FSHR: variants seen among roughly 807,000 people sequenced by gnomAD.
The protein encoded by FSHR is follicle-stimulating hormone receptor.
Under a neutral mutation model 52.1 loss-of-function variants are expected in FSHR, and 46 were observed. The observed-to-expected ratio is 0.88, with a 90% CI of 0.70 to 1.13. FSHR has a LOEUF of 1.13. Among genes scored for constraint, FSHR ranks in the 50% most tolerant of loss-of-function variants. The pLI is 0.00. For missense variants in FSHR, 964 were observed against 834.6 expected, an observed-to-expected ratio of 1.16 and a Z score of -1.91; for synonymous variants, 399 against 309.6, an observed-to-expected ratio of 1.29 and a Z score of -3.03.
intron 1 of FSHR, among the ~76,000 whole-genome samples, chr2:49,075,433 T>C (rs2103638936): frequency 6.8e-6 from 1 of 147,894 alleles, no homozygotes; most frequent in South Asian, 2.2e-4. Context: ...TCATTAAAAA[T>C]AACAATAAAC....
At chr2:49,014,882 T>C (rs766457123) in intron 4 of FSHR, 1 of 469,540 alleles carries the variant, frequency 2.1e-6, no homozygotes, top group South Asian at 1.6e-5. Context: ...ATTTGTTCTG[T>C]CACTGAAGGC....
intron 1 of FSHR, among the ~76,000 whole-genome samples, chr2:49,124,007 C>T (rs1402627922): frequency 1.3e-5 from 2 of 150,180 alleles, no homozygotes; most frequent in East Asian, 1.9e-4. Context: ...TTTTTTGAGA[C>T]GGAATTTCGC....
intron 1 of FSHR, among the ~76,000 whole-genome samples, chr2:49,110,995 T>G (rs1003112536): frequency 1.3e-5 from 2 of 152,192 alleles, no homozygotes; most frequent in East Asian, 3.9e-4. Flanking sequence ...ACCTTATTAA[T>G]GGAATCAGTT....
At chr2:49,148,158 G>GTA (rs1022126087) in intron 1 of FSHR, among the ~76,000 whole-genome samples, 10 of 151,942 alleles carry the variant, frequency 6.6e-5, no homozygotes, top group African/African-American at 2.4e-4. Context: ...TTTTTGTTAG[G>GTA]TATAGAGAGG....
At chr2:48,969,140 C>T (rs1415094763) in intron 8 of FSHR, among the ~76,000 whole-genome samples, 1 of 152,148 alleles carries the variant, frequency 6.6e-6, no homozygotes, top group African/African-American at 2.4e-5. Context: ...ATACTTACAT[C>T]CTGGCTAATT....
At chr2:49,003,687 T>C (rs1268944962) in intron 4 of FSHR, among the ~76,000 whole-genome samples, 1 of 152,096 alleles carries the variant, frequency 6.6e-6, no homozygotes, top group Non-Finnish European at 1.5e-5. Flanking sequence ...GGTGCAAGCA[T>C]CTGGATCACA....
chr2:49,117,692 C>A (rs1328603596), intron 1 of FSHR, among the ~76,000 whole-genome samples: 3 of 152,126 alleles, frequency 2.0e-5, no homozygotes, highest in Non-Finnish European at 2.9e-5. Context: ...ATAGCAGGAC[C>A]AAGGAGAAAT....
intron 1 of FSHR, among the ~76,000 whole-genome samples, chr2:49,083,415 A>C (rs1670252655): frequency 6.6e-6 from 1 of 151,850 alleles, no homozygotes; most frequent in South Asian, 2.1e-4. Flanking sequence ...GACCATCGAG[A>C]CTAGGAAGAA....
intron 1 of FSHR, among the ~76,000 whole-genome samples, chr2:49,086,509 C>T (rs1183490004): frequency 6.6e-6 from 1 of 152,198 alleles, no homozygotes; most frequent in East Asian, 1.9e-4. Flanking sequence ...TCCGAGTGGG[C>T]TTCAGAACTC....
rs1669577822 is a variant in FSHR at position 49,068,107 on chromosome 2, G to C, written c.224+112C>G. On this transcript the variant is annotated intron_variant, in intron 2 of 9. Transcript: ENST00000406846. ...AATGTGAGGAGATGCAGAAAGTTTG[G>C]CTGACCATGTCAGTTCGGCTACTAA... 5 of 814,958 alleles carry C rather than the reference G, an allele frequency of 6.1e-6. No individual in the cohort carries two copies. In the South Asian group the frequency reaches 6.8e-5, roughly 11 times the overall value. 50.5% of individuals were successfully genotyped at this position (814,958 alleles called of 1,614,324 possible). A position where few individuals can be genotyped will look rare whatever the true frequency, so the allele number is the denominator to read the frequency against.
chr2:48,963,717 C>A lies in FSHR; in HGVS notation c.1104G>T (p.Leu368=). The A allele has an allele frequency of 2.5e-6, 4 of 1,614,176 alleles. No individual in the cohort carries two copies. The highest frequency in any genetic ancestry group is 3.4e-6 in the Non-Finnish European group (4 of 1,180,016). The change falls in exon 10 of 10, where the codon CTG becomes CTT. Residue 368 remains leucine, a synonymous_variant. Transcript: ENST00000406846. ...TGGCCAGGATGCTGATAAACCATAT[C>A]AGGACTCTGAGGATGTTGTACCCCA... is the stretch of plus-strand genomic sequence containing the variant. ...DIMGYNILRV[L]IWFISILAIT...
chr2:48,997,813 C>T (rs1676090276), intron 4 of FSHR, among the ~76,000 whole-genome samples: 1 of 152,064 alleles, frequency 6.6e-6, no homozygotes, highest in South Asian at 2.1e-4. Flanking sequence ...TGTTTCCTTG[C>T]CTGAGTCCCT....
At chr2:48,990,109 T>C (rs1417988141) in intron 5 of FSHR, among the ~76,000 whole-genome samples, 1 of 152,168 alleles carries the variant, frequency 6.6e-6, no homozygotes, top group Non-Finnish European at 1.5e-5. Flanking sequence ...CTCTTCCTTT[T>C]TCAAAATACA....
chr2:49,063,833 T>G (rs1669405084), intron 2 of FSHR, among the ~76,000 whole-genome samples: 1 of 152,150 alleles, frequency 6.6e-6, no homozygotes, highest in Admixed American at 6.6e-5. Flanking sequence ...TTTGAATGTT[T>G]CCAAAACAAA....
At chr2:49,087,070 G>GTTTTTTTTGTTTTTTTTTTTTTTTTTTT (rs1670423426) in intron 1 of FSHR, among the ~76,000 whole-genome samples, 1 of 86,728 alleles carries the variant, frequency 1.2e-5, no homozygotes, top group African/African-American at 4.3e-5. Context: ...TGTGGGCAGG[G>GTTTTTTTTGTTTTTTTTTTTTTTTTTTT]TTTTTTTTTT....
At chr2:49,052,691 T>A (rs1012665824) in intron 2 of FSHR, among the ~76,000 whole-genome samples, 7 of 152,160 alleles carry the variant, frequency 4.6e-5, no homozygotes, top group Non-Finnish European at 1.0e-4. Context: ...CTTTCATTTT[T>A]CACCAGGAGC....
chr2:49,133,828 C>A (rs1462613506), intron 1 of FSHR, among the ~76,000 whole-genome samples: 1 of 152,174 alleles, frequency 6.6e-6, no homozygotes, highest in Non-Finnish European at 1.5e-5. Context: ...AAAGGATTCC[C>A]TATTTAATAA....
intron 1 of FSHR, among the ~76,000 whole-genome samples, chr2:49,120,144 G>A (rs958553044): frequency 1.3e-5 from 2 of 152,142 alleles, no homozygotes; most frequent in Non-Finnish European, 2.9e-5. Context: ...GGTGGTGCCT[G>A]CCTGTAATCT....
chr2:49,101,527 G>A (rs1671026135), intron 1 of FSHR, among the ~76,000 whole-genome samples: 1 of 152,026 alleles, frequency 6.6e-6, no homozygotes, highest in Admixed American at 6.6e-5. Context: ...TTATGTCAAA[G>A]GGCACAATTT....
Sources: gnomAD v4.1 joint callset for allele counts (sites outside exome capture counted in the v4.1 genomes callset) on GRCh38, gnomAD v4.1.1 for gene constraint, MANE v1.5 for transcripts, NCBI Gene and HGNC (gene_info 2026-07-23, HGNC 2026-07-21) for gene names.